Variants in MTA3 observed in about 807,000 individuals in gnomAD.
MTA3 encodes the protein metastasis-associated protein MTA3.
Under a neutral mutation model 83.5 loss-of-function variants are expected in MTA3, and 34 were observed. The ratio of observed to expected loss-of-function variants is 0.41; its 90% CI spans 0.31 to 0.54. The LOEUF is 0.54. Ranked by LOEUF, MTA3 falls within the 20% of genes least tolerant of loss-of-function variation. MTA3 has a pLI of 0.33. For synonymous variants in MTA3, 303 were observed against 252.7 expected (o/e 1.20, Z -1.89); for missense variants, 761 against 726.4 (o/e 1.05, Z -0.55).
chr2:42,657,441 G>A (rs1410200930), intron 7 of MTA3, among the ~76,000 whole-genome samples: 1 of 152,060 alleles, frequency 6.6e-6, no homozygotes, highest in African/African-American at 2.4e-5. Flanking sequence ...ACAGAATATT[G>A]GTCTAGAGTC....
intron 16 of MTA3, among the ~76,000 whole-genome samples, chr2:42,730,167 A>G (rs1668142342): frequency 6.6e-6 from 1 of 152,188 alleles, no homozygotes; most frequent in Admixed American, 6.5e-5. Context: ...TCATCTGCAA[A>G]CAAGGATAAT....
intron 4 of MTA3, among the ~76,000 whole-genome samples, chr2:42,618,849 G>A (rs1685214854): frequency 6.6e-6 from 1 of 152,130 alleles, no homozygotes. Context: ...GTCCTAAAGT[G>A]ATCCTCTTGC....
chr2:42,614,990 A>AAC (rs1684684044), intron 4 of MTA3, among the ~76,000 whole-genome samples: 1 of 150,158 alleles, frequency 6.7e-6, no homozygotes, highest in Non-Finnish European at 1.5e-5. Context: ...AAAAAAAAAA[A>AAC]CAAAAAGCAG....
At chr2:42,495,142 C>T (rs900366757) in intron 1 of MTA3, 1 of 152,668 alleles carries the variant, frequency 6.6e-6, no homozygotes, top group Non-Finnish European at 1.5e-5. Context: ...TCATTGCCCT[C>T]TACTTTTCGT....
At chr2:42,674,524 C>G (rs1161372013) in intron 8 of MTA3, among the ~76,000 whole-genome samples, 3 of 151,666 alleles carry the variant, frequency 2.0e-5, no homozygotes, top group African/African-American at 7.3e-5. Context: ...GTATTGGTAT[C>G]TCTATTGAAA....
intron 3 of MTA3, among the ~76,000 whole-genome samples, chr2:42,579,920 C>T (rs1679433369): frequency 6.6e-6 from 1 of 151,854 alleles, no homozygotes; most frequent in South Asian, 2.1e-4. Flanking sequence ...TGTTTTCTCC[C>T]TGCTAAAACA....
chr2:42,667,637 G>T (rs1690398538), intron 8 of MTA3, among the ~76,000 whole-genome samples: 3 of 149,710 alleles, frequency 2.0e-5, no homozygotes, highest in South Asian at 2.2e-4. Context: ...GAGAGAGAGA[G>T]AGAGAGAGAG....
intron 2 of MTA3, among the ~76,000 whole-genome samples, chr2:42,577,105 A>AAAAAAT (rs1211189566): frequency 5.1e-4 from 44 of 86,898 alleles, no homozygotes; most frequent in South Asian, 4.5e-3. Flanking sequence ...AAAAAAAAAA[A>AAAAAAT]ATATATATAT....
intron 2 of MTA3, among the ~76,000 whole-genome samples, chr2:42,500,139 C>T (rs973710054): frequency 7.9e-5 from 12 of 152,030 alleles, no homozygotes; most frequent in Admixed American, 7.9e-4. Context: ...TGGCTCACGC[C>T]TATAATCTCA....
rs2104618095 is a variant in MTA3 at position 42,756,744 on chromosome 2, G to C, written c.*3345G>C. ...CAGGAAGGCCATGTCCCAGTTTTCT[G>C]TCCACCCCTCCTGTTCCTCTGCACT... On this transcript the variant is annotated 3_prime_UTR_variant, in exon 17 of 17. Coordinates refer to ENST00000405094, the MANE Select transcript of MTA3 (RefSeq NM_001330442.2). 1 of 985,432 alleles carries C rather than the reference G, an allele frequency of 1.0e-6. No individual in the cohort carries two copies. Among genetic ancestry groups the C allele is most frequent in the East Asian group, 1.1e-4 (1 of 8,804 alleles). The allele number at this position is 985,432 out of a possible 1,614,324, so 61.0% of individuals were successfully genotyped here. A position where few individuals can be genotyped will look rare whatever the true frequency, so the allele number is the denominator to read the frequency against.
intron 14 of MTA3, among the ~76,000 whole-genome samples, chr2:42,716,663 G>A (rs547785278): frequency 1.4e-4 from 22 of 152,286 alleles, no homozygotes; most frequent in African/African-American, 2.6e-4. Context: ...ACATGATATC[G>A]TTCTTTTCTT....
At chr2:42,630,661 G>A (rs549139369) in intron 4 of MTA3, among the ~76,000 whole-genome samples, 1 of 151,802 alleles carries the variant, frequency 6.6e-6, no homozygotes, top group South Asian at 2.1e-4. Flanking sequence ...ATGGATTTTT[G>A]GTTTTTTTAG....
At chr2:42,634,484 A>G (rs1253477597) in intron 4 of MTA3, among the ~76,000 whole-genome samples, 1 of 152,166 alleles carries the variant, frequency 6.6e-6, no homozygotes, top group Non-Finnish European at 1.5e-5. Context: ...GGAACTGTCA[A>G]ACATGTATAA....
intron 16 of MTA3, among the ~76,000 whole-genome samples, chr2:42,739,316 G>C (rs1275834525): frequency 2.0e-5 from 3 of 152,142 alleles, no homozygotes; most frequent in Non-Finnish European, 4.4e-5. Flanking sequence ...CCCAGTAAGA[G>C]TGAGACCTTG....
At chr2:42,601,567 T>C (rs1393915018) in intron 3 of MTA3, among the ~76,000 whole-genome samples, 1 of 152,232 alleles carries the variant, frequency 6.6e-6, no homozygotes, top group East Asian at 1.9e-4. Context: ...AAGTTTTGTT[T>C]TGTAGACATG....
intron 2 of MTA3, among the ~76,000 whole-genome samples, chr2:42,577,479 T>A (rs2374420): frequency 0.74 from 111,528 of 151,336 alleles, 41,318 homozygotes; most frequent in South Asian, 0.88. Context: ...AACTGTTGAT[T>A]TGGATTTTTT....
chr2:42,748,356 G>A (rs1294633460), intron 16 of MTA3, among the ~76,000 whole-genome samples: 3 of 152,122 alleles, frequency 2.0e-5, no homozygotes, highest in Non-Finnish European at 4.4e-5. Flanking sequence ...GAGCCACTGT[G>A]CCCGGCCTAT....
intron 16 of MTA3, among the ~76,000 whole-genome samples, chr2:42,744,880 A>C (rs919611417): frequency 6.6e-6 from 1 of 152,224 alleles, no homozygotes; most frequent in Non-Finnish European, 1.5e-5. Flanking sequence ...CAATCTGTTC[A>C]CGTCCTCATG....
At chr2:42,607,042 A>G (rs1683530583) in intron 3 of MTA3, among the ~76,000 whole-genome samples, 1 of 141,196 alleles carries the variant, frequency 7.1e-6, no homozygotes, top group Non-Finnish European at 1.6e-5. Context: ...TCGGCTCCGC[A>G]TGAGAGGGAG....
Sources: allele counts gnomAD v4.1 joint callset (sites outside exome capture counted in the v4.1 genomes callset), GRCh38; gene constraint gnomAD v4.1.1; transcripts MANE v1.5; gene names NCBI Gene and HGNC (gene_info 2026-07-23, HGNC 2026-07-21).